Variants in NXPH1 observed in about 807,000 individuals in gnomAD.
NXPH1 encodes neurexophilin 1, also known as neurexophilin-1.
In NXPH1, 5 loss-of-function variants were observed where a neutral mutation model predicts 23.7. The ratio of observed to expected loss-of-function variants is 0.21; its 90% CI spans 0.11 to 0.44. The LOEUF (loss-of-function observed/expected upper bound fraction) is 0.44. NXPH1 is among the 20% of genes least tolerant of loss of function. The pLI is 0.99. For missense variants in NXPH1, 324 were observed against 321.6 expected (o/e 1.01, Z -0.06); for synonymous variants, 144 against 122.2 (o/e 1.18, Z -1.18).
At chr7:8,641,177 T>C (rs930511551) in intron 2 of NXPH1, among the ~76,000 whole-genome samples, 9 of 152,190 alleles carry the variant, frequency 5.9e-5, no homozygotes, top group African/African-American at 2.2e-4. Flanking sequence ...AAGTATTTTA[T>C]AATTTTTAAG....
intron 2 of NXPH1, among the ~76,000 whole-genome samples, chr7:8,683,746 A>G (rs1455672914): frequency 6.6e-6 from 1 of 152,102 alleles, no homozygotes; most frequent in East Asian, 1.9e-4. Flanking sequence ...TTTGTTCTAG[A>G]TCATCTTGTC....
intron 2 of NXPH1, among the ~76,000 whole-genome samples, chr7:8,660,355 A>T (rs1820652633): frequency 6.6e-6 from 1 of 152,144 alleles, no homozygotes; most frequent in African/African-American, 2.4e-5. Context: ...AACTTACTGA[A>T]CCTTTAGCTC....
At chr7:8,610,380 T>G (rs1369062726) in intron 2 of NXPH1, among the ~76,000 whole-genome samples, 2 of 152,170 alleles carry the variant, frequency 1.3e-5, no homozygotes, top group Non-Finnish European at 2.9e-5. Flanking sequence ...TAATTTTCTG[T>G]CTATTTCCAG....
At position 8,621,490 on chromosome 7, in the gene NXPH1, C is replaced by CTTTTTTTTTTTTTTTTTTTTTTT. The variant is rs113473603; in HGVS notation, c.55-129504_55-129503insTTTTTTTTTTTTTTTTTTTTTTT. ...GAGAAACAATAACATGCTAGCCACTCTTTTTTTTTTTTTTGAGGTGAAGTT... is the reference window on the plus strand; with the variant it reads ...GAGAAACAATAACATGCTAGCCACTCTTTTTTTTTTTTTTTTTTTTTTTTTTTTTTTTTTTTTGAGGTGAAGTT... On this transcript the variant is annotated intron_variant, in intron 2 of 2. Coordinates refer to ENST00000405863, the MANE Select transcript of NXPH1 (RefSeq NM_152745.3). Among the ~76,000 whole-genome samples the CTTTTTTTTTTTTTTTTTTTTTTT allele has an allele frequency of 1.1e-3, 155 of 140,194 alleles. 5 individuals are homozygous for CTTTTTTTTTTTTTTTTTTTTTTT. The East Asian group carries it at 0.012, about 11-fold the overall frequency. The allele number at this position is 140,194 out of a possible 152,430, so 92.0% of individuals were successfully genotyped here. A position where few individuals can be genotyped will look rare whatever the true frequency, so the allele number is the denominator to read the frequency against.
chr7:8,529,513 G>T (rs1817919397), intron 2 of NXPH1, among the ~76,000 whole-genome samples: 1 of 152,196 alleles, frequency 6.6e-6, no homozygotes, highest in Non-Finnish European at 1.5e-5. Context: ...TATTGTTCAT[G>T]CTGGCAAGAA....
intron 2 of NXPH1, among the ~76,000 whole-genome samples, chr7:8,498,614 T>G (rs1817378765): frequency 2.0e-5 from 3 of 152,090 alleles, no homozygotes; most frequent in Non-Finnish European, 1.5e-5. Flanking sequence ...TTTGTTCTTA[T>G]TGGAACATCT....
At chr7:8,639,278 G>A (rs934442771) in intron 2 of NXPH1, among the ~76,000 whole-genome samples, 1 of 152,114 alleles carries the variant, frequency 6.6e-6, no homozygotes. Flanking sequence ...AAAATAGTCT[G>A]ATAGCTGCCT....
At chr7:8,557,479 C>G (rs1289646041) in intron 2 of NXPH1, among the ~76,000 whole-genome samples, 2 of 151,572 alleles carry the variant, frequency 1.3e-5, no homozygotes, top group Admixed American at 6.6e-5. Context: ...CCTTTGCAAT[C>G]CTTTTAATCT....
At chr7:8,517,281 T>G (rs1280110894) in intron 2 of NXPH1, among the ~76,000 whole-genome samples, 2 of 150,610 alleles carry the variant, frequency 1.3e-5, no homozygotes, top group Non-Finnish European at 3.0e-5. Context: ...AGAGGTAGAG[T>G]TGTCTAGAAA....
chr7:8,710,329 C>T (rs542085596), intron 2 of NXPH1, among the ~76,000 whole-genome samples: 1 of 152,152 alleles, frequency 6.6e-6, no homozygotes, highest in Non-Finnish European at 1.5e-5. Context: ...GCAGCTGGGG[C>T]AAATGGGCCT....
chr7:8,672,107 G>T (rs968299213), intron 2 of NXPH1, among the ~76,000 whole-genome samples: 6 of 152,062 alleles, frequency 3.9e-5, no homozygotes, highest in African/African-American at 1.4e-4. Context: ...AGTTTAATAA[G>T]AAAATGTGGC....
At chr7:8,514,016 TTCTCTCTGTGCA>T (rs1470606259) in intron 2 of NXPH1, among the ~76,000 whole-genome samples, 1 of 152,098 alleles carries the variant, frequency 6.6e-6, no homozygotes. Context: ...TCACTTTGTT[TTCTCTCTGTGCA>T]TCTCTCTGTG....
At chr7:8,706,504 G>T (rs1201886634) in intron 2 of NXPH1, among the ~76,000 whole-genome samples, 1 of 152,186 alleles carries the variant, frequency 6.6e-6, no homozygotes, top group African/African-American at 2.4e-5. Flanking sequence ...GAAATGGTCA[G>T]AGTGTGAAGA....
At chr7:8,720,992 T>C (rs769929955) in intron 2 of NXPH1, among the ~76,000 whole-genome samples, 6 of 152,228 alleles carry the variant, frequency 3.9e-5, no homozygotes, top group Non-Finnish European at 5.9e-5. Flanking sequence ...TGCAATTGCA[T>C]GTATTGGATA....
chr7:8,477,492 T>C lies in NXPH1; in HGVS notation c.54+41725T>C, dbSNP rs76189941. On this transcript the variant is annotated intron_variant, in intron 2 of 2. Transcript: ENST00000405863. The stretch of plus-strand genomic sequence containing the variant: ...ATGGCAATAAATTTTCTTTCTTTCC[T>C]AGACTTTTGCCTAGCAATACATACA... Among the ~76,000 whole-genome samples the C allele has an allele frequency of 8.4e-3, 1,276 of 152,278 alleles. 13 individuals are homozygous for C. Among genetic ancestry groups the C allele is most frequent in the Non-Finnish European group, 0.012 (802 of 68,006 alleles).
intron 2 of NXPH1, among the ~76,000 whole-genome samples, chr7:8,602,622 C>G (rs1819385865): frequency 6.6e-6 from 1 of 152,186 alleles, no homozygotes; most frequent in African/African-American, 2.4e-5. Context: ...CTTTCCTTAA[C>G]TCCATGTTTA....
At chr7:8,596,737 C>A (rs541501324) in intron 2 of NXPH1, among the ~76,000 whole-genome samples, 14 of 152,162 alleles carry the variant, frequency 9.2e-5, no homozygotes, top group African/African-American at 2.2e-4. Flanking sequence ...AGGTGACTTG[C>A]CCAGGTCATG....
At chr7:8,457,001 C>T (rs889132802) in intron 2 of NXPH1, among the ~76,000 whole-genome samples, 5 of 152,232 alleles carry the variant, frequency 3.3e-5, no homozygotes, top group African/African-American at 9.6e-5. Flanking sequence ...TTGTCCCTGG[C>T]GTCTAGGACA....
At chr7:8,659,004 TA>T (rs200442257) in intron 2 of NXPH1, among the ~76,000 whole-genome samples, 274 of 19,958 alleles carry the variant, frequency 0.014, 60 homozygotes, top group African/African-American at 0.025. Context: ...TATATATATA[TA>T]TTTTTTTTTT....
Sources: gnomAD v4.1 joint callset for allele counts (sites outside exome capture counted in the v4.1 genomes callset) on GRCh38, gnomAD v4.1.1 for gene constraint, MANE v1.5 for transcripts, NCBI Gene and HGNC (gene_info 2026-07-23, HGNC 2026-07-21) for gene names.